Variants in ELP3 observed in about 807,000 individuals in gnomAD.
The protein encoded by ELP3 is elongator complex protein 3.
A neutral mutation model predicts 74.9 loss-of-function variants in ELP3; 56 were observed. That is an observed-to-expected ratio of 0.75 (90% CI 0.60 to 0.93). The LOEUF (loss-of-function observed/expected upper bound fraction) is 0.93, where lower values mean the gene tolerates loss of function less well. Ranked by LOEUF, ELP3 falls within the 40% of genes least tolerant of loss-of-function variation. ELP3 has a pLI of 0.00. For missense variants in ELP3, 573 were observed against 686.5 expected (o/e 0.83, Z 1.85); for synonymous variants, 222 against 239.8 (o/e 0.93, Z 0.68).
chr8:28,152,961 T>C (rs1295026434), intron 10 of ELP3, among the ~76,000 whole-genome samples: 1 of 152,252 alleles, frequency 6.6e-6, no homozygotes, highest in Non-Finnish European at 1.5e-5. Flanking sequence ...TTCATTCTTT[T>C]GCCTATTTGT....
At chr8:28,168,797 A>T (rs1028632753) in intron 14 of ELP3, among the ~76,000 whole-genome samples, 2 of 152,128 alleles carry the variant, frequency 1.3e-5, no homozygotes, top group African/African-American at 4.8e-5. Context: ...ACATTGCCTT[A>T]ATTCATTCAA....
chr8:28,112,168 G>A, intron 6 of ELP3, among the ~76,000 whole-genome samples: 1 of 151,628 alleles, frequency 6.6e-6, no homozygotes, highest in Admixed American at 6.6e-5. Context: ...TTTTTAAACA[G>A]AGTGTCACTC....
chr8:28,107,989 T>C lies in ELP3; in HGVS notation c.393+13T>C, dbSNP rs1287818899. 3 of 1,609,448 alleles carry C rather than the reference T, an allele frequency of 1.9e-6. No homozygotes were observed. Among genetic ancestry groups the C allele is most frequent in the South Asian group, 2.2e-5 (2 of 90,938 alleles). On this transcript the variant is annotated intron_variant, in intron 5 of 14. Transcript: ENST00000256398. The stretch of plus-strand genomic sequence containing the variant: ...CACTGGCTATGAGGTACAGTAACTT[T>C]GAGGCTGTCCTGATGAAATGTTGCA...
At chr8:28,181,946 A>G (rs1001289851) in intron 14 of ELP3, among the ~76,000 whole-genome samples, 2 of 139,618 alleles carry the variant, frequency 1.4e-5, no homozygotes, top group Non-Finnish European at 3.2e-5. Flanking sequence ...TCACTTAGCT[A>G]TCAAGTGGTT....
chr8:28,107,334 C>T (rs917897852), intron 4 of ELP3, among the ~76,000 whole-genome samples: 3 of 152,140 alleles, frequency 2.0e-5, no homozygotes, highest in Non-Finnish European at 4.4e-5. Flanking sequence ...GAACTCACAA[C>T]AGTAGACATT....
At chr8:28,168,330 G>A (rs1232705829) in intron 14 of ELP3, among the ~76,000 whole-genome samples, 1 of 152,208 alleles carries the variant, frequency 6.6e-6, no homozygotes, top group East Asian at 1.9e-4. Flanking sequence ...TTGAAGTACA[G>A]CATTTGGCAA....
intron 3 of ELP3, among the ~76,000 whole-genome samples, chr8:28,101,836 C>T (rs1182061940): frequency 6.6e-6 from 1 of 152,022 alleles, no homozygotes; most frequent in Non-Finnish European, 1.5e-5. Context: ...GTGATCTGCC[C>T]GCCTCAGCCT....
At chr8:28,136,602 A>G (rs550756472) in intron 9 of ELP3, among the ~76,000 whole-genome samples, 11 of 152,362 alleles carry the variant, frequency 7.2e-5, no homozygotes, top group African/African-American at 2.6e-4. Flanking sequence ...TACATAAAGA[A>G]TACAGCATTT....
chr8:28,117,428 T>C (rs193202766), intron 7 of ELP3, among the ~76,000 whole-genome samples: 250 of 152,264 alleles, frequency 1.6e-3, no homozygotes, highest in Middle Eastern at 3.4e-3. Context: ...TCATGATGTG[T>C]TTGTAGAAAA....
At chr8:28,160,717 CAG>C (rs1814043460) in intron 13 of ELP3, among the ~76,000 whole-genome samples, 1 of 152,008 alleles carries the variant, frequency 6.6e-6, no homozygotes, top group Non-Finnish European at 1.5e-5. Context: ...TTTTTTGAGA[CAG>C]AGCCTCACTT....
chr8:28,160,500 AAG>A (rs1814033696), intron 13 of ELP3, 44 bp downstream of exon 13: 2 of 1,540,762 alleles, frequency 1.3e-6, no homozygotes, highest in South Asian at 2.3e-5. Context: ...GAAACTGCCT[AAG>A]TAGGAAAAGA....
At chr8:28,119,450 G>C (rs936089522) in intron 7 of ELP3, among the ~76,000 whole-genome samples, 3 of 151,152 alleles carry the variant, frequency 2.0e-5, no homozygotes, top group Non-Finnish European at 4.4e-5. Flanking sequence ...ATAGTAAGTT[G>C]TATGCTTCAG....
intron 5 of ELP3, 64 bp from the exon 6 acceptor site, chr8:28,110,306 G>T: frequency 7.2e-7 from 1 of 1,390,030 alleles, no homozygotes; most frequent in Non-Finnish European, 1.0e-6. Flanking sequence ...TTAAAATACA[G>T]TCCTTTTGAA....
At chr8:28,099,780 G>C in intron 2 of ELP3, 48 bp from the exon 3 acceptor site, 2 of 1,608,346 alleles carry the variant, frequency 1.2e-6, no homozygotes, top group Non-Finnish European at 1.7e-6. Flanking sequence ...TTGGTAGCTT[G>C]TCCTTAAATA....
intron 10 of ELP3, among the ~76,000 whole-genome samples, chr8:28,144,180 A>T (rs1813345662): frequency 2.6e-5 from 4 of 152,204 alleles, no homozygotes; most frequent in African/African-American, 7.2e-5. Context: ...CCTCATTTTG[A>T]ATTCTTTCCT....
upstream of ELP3, among the ~76,000 whole-genome samples, chr8:28,092,228 T>TTTG (rs34694415): frequency 7.8e-4 from 118 of 151,496 alleles, no homozygotes; most frequent in Middle Eastern, 0.014. Context: ...AGCTTAACTT[T>TTTG]TTGTTGTTGT....
chr8:28,158,134 T>C (rs1813912229), intron 11 of ELP3, among the ~76,000 whole-genome samples: 1 of 151,444 alleles, frequency 6.6e-6, no homozygotes. Flanking sequence ...ATGCTAAAAA[T>C]GTTAACTGCC....
intron 1 of ELP3, 69 bp downstream of exon 1, chr8:28,093,302 C>T: frequency 6.3e-7 from 1 of 1,590,808 alleles, no homozygotes; most frequent in Non-Finnish European, 8.6e-7. Context: ...CAATCAAATG[C>T]TGAACCGAAC....
intron 9 of ELP3, among the ~76,000 whole-genome samples, chr8:28,135,075 C>T (rs887485249): frequency 5.9e-5 from 9 of 152,086 alleles, no homozygotes; most frequent in African/African-American, 2.2e-4. Flanking sequence ...ATTACAGGTG[C>T]CCACCACCAC....
Sources: gnomAD v4.1 joint callset for allele counts (sites outside exome capture counted in the v4.1 genomes callset) on GRCh38, gnomAD v4.1.1 for gene constraint, MANE v1.5 for transcripts, NCBI Gene and HGNC (gene_info 2026-07-23, HGNC 2026-07-21) for gene names.